DST: variants seen among roughly 807,000 people sequenced by gnomAD.
DST encodes the protein dystonin, also known as bullous pemphigoid antigen.
In DST, 253 loss-of-function variants were observed where a neutral mutation model predicts 875.2. The ratio of observed to expected loss-of-function variants is 0.29; its 90% CI spans 0.26 to 0.32. The LOEUF is 0.32. DST is among the 10% of genes least tolerant of loss of function. DST has a pLI of 1.00. For missense variants in DST, 8,287 were observed against 9,111.6 expected (o/e 0.91, Z 3.68); for synonymous variants, 3,124 against 3,197.1 (o/e 0.98, Z 0.77).
At position 56,550,170 on chromosome 6, in the gene DST, A is replaced by C. The variant is rs114004451; in HGVS notation, c.16608+2014T>G. 5.2e-3 allele frequency among the ~76,000 whole-genome samples: 796 copies of C among 152,280 alleles called. 8 individuals carry two copies. Among genetic ancestry groups the C allele is most frequent in the African/African-American group, 0.018 (737 of 41,562 alleles). ...ATTAGTGGTTGTGTGAGCTACCATA[A>C]TCATATTCTTGTCCTTTTTTTACCT... On this transcript the variant is annotated intron_variant, in intron 61 of 103. Transcript: ENST00000680361.
intron 47 of DST, among the ~76,000 whole-genome samples, chr6:56,595,583 T>C (rs2098361085): frequency 6.6e-6 from 1 of 152,172 alleles, no homozygotes. Flanking sequence ...AAGGACTTCC[T>C]TAGAAGCACT....
chr6:56,832,204 A>T (rs2099787990), intron 4 of DST, among the ~76,000 whole-genome samples: 1 of 152,204 alleles, frequency 6.6e-6, no homozygotes, highest in African/African-American at 2.4e-5. Context: ...GAGATTGTTT[A>T]AAGGACACTG....
At chr6:56,469,663 T>G (rs2094783328) in intron 97 of DST, among the ~76,000 whole-genome samples, 1 of 152,170 alleles carries the variant, frequency 6.6e-6, no homozygotes, top group Admixed American at 6.5e-5. Context: ...AAAGGTAATG[T>G]GCATGATGTA....
intron 28 of DST, 84 bp downstream of exon 28, chr6:56,632,770 A>C (rs2098792130): frequency 1.2e-5 from 13 of 1,088,522 alleles, no homozygotes; most frequent in African/African-American, 1.6e-5. Context: ...CAATATACCT[A>C]AGATTGAGAT....
intron 3 of DST, among the ~76,000 whole-genome samples, chr6:56,867,489 A>T (rs902466540): frequency 6.6e-5 from 10 of 152,200 alleles, no homozygotes; most frequent in African/African-American, 2.4e-4. Context: ...TTTTTAAAAG[A>T]TTTAAAAACA....
chr6:56,861,625 ATC>A (rs2127593246), intron 3 of DST, among the ~76,000 whole-genome samples: 2 of 152,218 alleles, frequency 1.3e-5, no homozygotes, highest in East Asian at 3.9e-4. Flanking sequence ...ATTTCATTTT[ATC>A]TCTCTTTCCT....
Position 56,555,692 on chromosome 6 carries a change from C to T in DST, c.14789G>A (p.Ser4930Asn), listed in dbSNP as rs1440572912. 2 of 1,612,452 alleles carry T rather than the reference C, an allele frequency of 1.2e-6. No homozygotes were observed. The highest frequency in any genetic ancestry group is 1.7e-6 in the Non-Finnish European group (2 of 1,178,616). The change falls in exon 60 of 104, where the codon AGC becomes AAC. Residue 4930 changes from serine (S) to asparagine (N), a missense_variant. Transcript: ENST00000680361. ...TCTGTCACTCAATTGCCCTGTTAGG[C>T]TATCCCATTTTTGGGTCACAGCTGC... ...QLAAVTQKWD[S>N]LTGQLSDRCD...
chr6:56,811,213 G>T (rs141889111), intron 4 of DST, among the ~76,000 whole-genome samples: 2,545 of 138,892 alleles, frequency 0.018, 90 homozygotes, highest in African/African-American at 0.069. Flanking sequence ...AAAAAAAAAG[G>T]TAGGATGGGG....
intron 29 of DST, 63 bp downstream of exon 29, chr6:56,631,820 A>G (rs2098783482): frequency 6.7e-7 from 1 of 1,486,406 alleles, no homozygotes; most frequent in Non-Finnish European, 9.4e-7. Flanking sequence ...AGAAGTCACA[A>G]GAGTTGATAC....
Position 56,722,368 on chromosome 6 carries a change from G to GTTATTTATTTA in DST, c.687+12859_687+12860insTAAATAAATAA, listed in dbSNP as rs1554672068. ...TTGACAATAAAAGTAGTACATGTTT[G>GTTATTTATTTA]TTTATTTATTTATTTATTTATTTAT... On this transcript the variant is annotated intron_variant, in intron 5 of 103. Transcript: ENST00000680361. Among the ~76,000 whole-genome samples, 1,338 of 150,708 alleles carry GTTATTTATTTA rather than the reference G, an allele frequency of 8.9e-3. 23 individuals carry two copies. Among genetic ancestry groups the GTTATTTATTTA allele is most frequent in the African/African-American group, 0.031 (1,289 of 41,044 alleles).
At chr6:56,836,051 C>T (rs2099793166) in intron 4 of DST, among the ~76,000 whole-genome samples, 2 of 152,092 alleles carry the variant, frequency 1.3e-5, no homozygotes, top group Admixed American at 1.3e-4. Context: ...GATAATACAA[C>T]TAAGACACAA....
In DST at chr6:56,607,616, C is replaced by A; in HGVS notation, c.7012G>T (p.Val2338Leu). The change falls in exon 40 of 104, where the codon GTG becomes TTG. Residue 2338 changes from valine (V) to leucine (L), a missense_variant. Coordinates refer to ENST00000680361, the MANE Select transcript of DST (RefSeq NM_001374736.1). ...TATGATATGAGACTGGGAACACACA[C>A]ACTGGGTGAACTGTTAACTTTAGGA... ...IDPKVNSSPS[V>L]CVPSLISYLT... The A allele has an allele frequency of 6.2e-7, 1 of 1,613,346 alleles. No homozygotes were observed. The highest frequency in any genetic ancestry group is 8.5e-7 in the Non-Finnish European group (1 of 1,179,618).
intron 36 of DST, chr6:56,616,096 C>G: frequency 6.2e-7 from 1 of 1,614,156 alleles, no homozygotes; most frequent in Non-Finnish European, 8.5e-7. Flanking sequence ...AGATCCTTTC[C>G]CCACTAGCAG....
At position 56,587,254 on chromosome 6, in the gene DST, C is replaced by T. The variant is rs1456176132; in HGVS notation, c.12903+4928G>A. ...GCTGAAAGCCAAGGCTCGAGAACTACGTGAAGAATGCAGAAGCCTCAGGAG... is the reference window on the plus strand; with the variant it reads ...GCTGAAAGCCAAGGCTCGAGAACTATGTGAAGAATGCAGAAGCCTCAGGAG... On this transcript the variant is annotated intron_variant, in intron 49 of 103. Coordinates refer to ENST00000680361, the MANE Select transcript of DST (RefSeq NM_001374736.1). 2.6e-5 allele frequency among the ~76,000 whole-genome samples: 4 copies of T among 152,046 alleles called. No homozygotes were observed. The South Asian group carries it at 8.3e-4, about 32-fold the overall frequency.
chr6:56,611,900 GT>G (rs1231497347), intron 37 of DST, among the ~76,000 whole-genome samples: 4 of 152,162 alleles, frequency 2.6e-5, no homozygotes, highest in African/African-American at 9.7e-5. Context: ...CCACCCGCAG[GT>G]GGGCACTCAG....
At chr6:56,567,099 TGCTTA>T in intron 55 of DST, among the ~76,000 whole-genome samples, 1 of 152,216 alleles carries the variant, frequency 6.6e-6, no homozygotes, top group Non-Finnish European at 1.5e-5. Context: ...AAAGGTCCAT[TGCTTA>T]GCAAGTAGAA....
In DST at chr6:56,552,251, T is replaced by C. The variant is rs550120453; in HGVS notation, c.16541A>G (p.His5514Arg). 4 of 1,614,028 alleles carry C rather than the reference T, an allele frequency of 2.5e-6. No individual in the cohort carries two copies. The highest frequency in any genetic ancestry group is 2.2e-5 in the South Asian group (2 of 91,084). ...FSILLQKAEE[H>R]EESQGPVGME... ...ACCAACAGGACCTTGTGACTCTTCA[T>C]GTTCTTCGGCTTTCTGGAGCAGAAT... Residue 5514 changes from histidine (H) to arginine (R), a missense_variant, in exon 61 of 104, where the codon CAT becomes CGT. Coordinates refer to ENST00000680361, the MANE Select transcript of DST (RefSeq NM_001374736.1).
At chr6:56,806,711 T>C (rs1387959126) in intron 4 of DST, among the ~76,000 whole-genome samples, 6 of 152,180 alleles carry the variant, frequency 3.9e-5, no homozygotes, top group Admixed American at 3.9e-4. Context: ...AAGATGACAA[T>C]GATGATAATA....
At chr6:56,700,617 C>CTG (rs1488078692) in intron 8 of DST, among the ~76,000 whole-genome samples, 1 of 152,120 alleles carries the variant, frequency 6.6e-6, no homozygotes, top group Admixed American at 6.6e-5. Flanking sequence ...AGACTTAAAG[C>CTG]TTATCAACTG....
Sources: gnomAD v4.1 joint callset for allele counts (sites outside exome capture counted in the v4.1 genomes callset) on GRCh38, gnomAD v4.1.1 for gene constraint, MANE v1.5 for transcripts, NCBI Gene and HGNC (gene_info 2026-07-23, HGNC 2026-07-21) for gene names.